The following RNF130 variants were observed in gnomAD, a reference collection of about 807,000 sequenced individuals.
The protein encoded by RNF130 is ring finger protein 130.
A neutral mutation model predicts 44.6 loss-of-function variants in RNF130; 21 were observed. The ratio of observed to expected loss-of-function variants is 0.47; its 90% CI spans 0.33 to 0.68. The LOEUF is 0.68. RNF130 is among the 30% of genes least tolerant of loss of function. RNF130 has a pLI of 0.02. For synonymous variants in RNF130, 214 were observed against 210.4 expected (o/e 1.02, Z -0.15); for missense variants, 479 against 560.6 (o/e 0.85, Z 1.47).
intron 3 of RNF130, among the ~76,000 whole-genome samples, chr5:179,982,183 C>T (rs768531511): frequency 6.6e-6 from 1 of 151,524 alleles, no homozygotes; most frequent in Non-Finnish European, 1.5e-5. Context: ...TTTGACTCAG[C>T]ATGATTATCT....
intron 3 of RNF130, among the ~76,000 whole-genome samples, chr5:180,010,975 A>T (rs1763581764): frequency 6.6e-6 from 1 of 152,224 alleles, no homozygotes. Flanking sequence ...TTTCCAGGTT[A>T]TGATACTGAC....
At chr5:180,041,979 G>C (rs1351006721) in intron 1 of RNF130, among the ~76,000 whole-genome samples, 1 of 152,134 alleles carries the variant, frequency 6.6e-6, no homozygotes, top group Non-Finnish European at 1.5e-5. Flanking sequence ...GAGGTGGGAA[G>C]ACTGCTTGAG....
At chr5:179,965,789 C>A (rs1400618527) in intron 7 of RNF130, among the ~76,000 whole-genome samples, 1 of 152,198 alleles carries the variant, frequency 6.6e-6, no homozygotes, top group African/African-American at 2.4e-5. Context: ...TGACAGAATA[C>A]AACCTGGGCA....
rs371331237 is a variant in RNF130, at chr5:180,037,756, T to C, written c.442+2697A>G. 6.5e-4 allele frequency among the ~76,000 whole-genome samples: 99 copies of C among 152,348 alleles called. 1 individual carries two copies. Among genetic ancestry groups the C allele is most frequent in the African/African-American group, 2.3e-3 (94 of 41,574 alleles). ...CGCAGTGTGCAGATTCTTTTAACTA[T>C]ACCACATAATGCCAAATTTCTCTCC... On this transcript the variant is annotated intron_variant, in intron 2 of 8. Coordinates refer to ENST00000521389, the MANE Select transcript of RNF130 (RefSeq NM_018434.6).
At chr5:180,004,505 T>G (rs1202668558) in intron 3 of RNF130, among the ~76,000 whole-genome samples, 2 of 152,196 alleles carry the variant, frequency 1.3e-5, no homozygotes, top group Non-Finnish European at 1.5e-5. Context: ...TCCTCCACTA[T>G]AAAATGCTGA....
chr5:179,920,063 C>G (rs950949216), exon 8 of RNF130: 17 of 426,024 alleles, frequency 4.0e-5, no homozygotes, highest in African/African-American at 9.7e-5. Context: ...AAACAGCCAG[C>G]CTTGCTGGGC....
chr5:180,019,174 G>A (rs1763814048), intron 2 of RNF130, among the ~76,000 whole-genome samples: 1 of 107,078 alleles, frequency 9.3e-6, no homozygotes, highest in South Asian at 3.6e-4. Context: ...CACCAGGCCA[G>A]AAGATCAAAA....
intron 1 of RNF130, among the ~76,000 whole-genome samples, chr5:180,045,492 G>A (rs945029669): frequency 6.6e-6 from 1 of 152,184 alleles, no homozygotes; most frequent in Non-Finnish European, 1.5e-5. Context: ...ATCTCAAACA[G>A]GGAAAGAACA....
At chr5:179,926,945 G>A (rs2113673289) in intron 7 of RNF130, among the ~76,000 whole-genome samples, 1 of 152,310 alleles carries the variant, frequency 6.6e-6, no homozygotes, top group South Asian at 2.1e-4. Context: ...TCGTGTGTGG[G>A]GGCCCCCTCG....
chr5:180,033,786 T>A (rs1764188420), intron 2 of RNF130, among the ~76,000 whole-genome samples: 1 of 152,106 alleles, frequency 6.6e-6, no homozygotes, highest in Non-Finnish European at 1.5e-5. Flanking sequence ...GTTTATTACA[T>A]CTAGTGGTTT....
At chr5:179,990,277 C>G (rs1037387583) in intron 3 of RNF130, among the ~76,000 whole-genome samples, 3 of 152,212 alleles carry the variant, frequency 2.0e-5, no homozygotes, top group Non-Finnish European at 4.4e-5. Flanking sequence ...CACATGTCCA[C>G]TGGACAGGGG....
chr5:179,933,063 G>A (rs1761832460), intron 7 of RNF130, among the ~76,000 whole-genome samples: 1 of 152,162 alleles, frequency 6.6e-6, no homozygotes, highest in South Asian at 2.1e-4. Context: ...GCAGAGGAGC[G>A]ATTACCAGGG....
chr5:180,065,815 T>G (rs1156910587), intron 1 of RNF130, among the ~76,000 whole-genome samples: 1 of 151,988 alleles, frequency 6.6e-6, no homozygotes, highest in East Asian at 1.9e-4. Context: ...AAAAAAATGT[T>G]TCCTTCCTTT....
chr5:179,992,660 C>T (rs1243548980), intron 3 of RNF130, among the ~76,000 whole-genome samples: 1 of 152,126 alleles, frequency 6.6e-6, no homozygotes, highest in Non-Finnish European at 1.5e-5. Flanking sequence ...CACATCTGCA[C>T]AAATAGTTGC....
chr5:179,990,482 C>G (rs1274815022), intron 3 of RNF130, among the ~76,000 whole-genome samples: 1 of 152,240 alleles, frequency 6.6e-6, no homozygotes, highest in East Asian at 1.9e-4. Context: ...AGCACAGCAT[C>G]ACAGGGAGAT....
chr5:179,957,476 C>T (rs1044896676), intron 8 of RNF130, among the ~76,000 whole-genome samples: 2 of 152,188 alleles, frequency 1.3e-5, no homozygotes, highest in African/African-American at 2.4e-5. Flanking sequence ...AGTGCAAGTT[C>T]CCACTGCCTT....
intron 3 of RNF130, among the ~76,000 whole-genome samples, chr5:179,999,147 G>A (rs1003062491): frequency 3.3e-5 from 5 of 150,992 alleles, no homozygotes; most frequent in Non-Finnish European, 7.4e-5. Context: ...TCAGACTCCC[G>A]AGTAGCTGGG....
At chr5:180,059,163 G>A (rs572262456) in intron 1 of RNF130, among the ~76,000 whole-genome samples, 1 of 152,108 alleles carries the variant, frequency 6.6e-6, no homozygotes, top group East Asian at 1.9e-4. Context: ...CACAGTTTTT[G>A]CACCTTTTAG....
chr5:180,012,261 T>C (rs558716267), intron 3 of RNF130, among the ~76,000 whole-genome samples: 2 of 152,192 alleles, frequency 1.3e-5, no homozygotes. Flanking sequence ...GGAATTTGAA[T>C]GTACCATGTT....
Sources: allele counts gnomAD v4.1 joint callset (sites outside exome capture counted in the v4.1 genomes callset), GRCh38; gene constraint gnomAD v4.1.1; transcripts MANE v1.5; gene names NCBI Gene and HGNC (gene_info 2026-07-23, HGNC 2026-07-21).